TNFRSF10A: variants seen among roughly 807,000 people sequenced by gnomAD.
TNFRSF10A encodes the protein TNF receptor superfamily member 10a, also known as tumor necrosis factor receptor superfamily member 10A.
TNFRSF10A carries 44 observed loss-of-function variants against 42.8 expected under a neutral mutation model. The ratio of observed to expected loss-of-function variants is 1.03; its 90% confidence interval spans 0.81 to 1.32. TNFRSF10A has a LOEUF of 1.32. Among genes scored for constraint, TNFRSF10A ranks in the 40% most tolerant of loss-of-function variants. TNFRSF10A has a pLI of 0.00. For missense variants in TNFRSF10A, 680 were observed against 602.0 expected (o/e 1.13, Z -1.36); for synonymous variants, 259 against 234.2 (o/e 1.11, Z -0.97).
intron 6 of TNFRSF10A, 140 bp from the exon 7 acceptor site, chr8:23,200,057 C>A: frequency 1.0e-6 from 1 of 990,762 alleles, no homozygotes; most frequent in Non-Finnish European, 1.5e-6. Context: ...CACATGAGGC[C>A]CTGCTAACTC....
At chr8:23,213,479 G>C (rs181983445) in intron 1 of TNFRSF10A, among the ~76,000 whole-genome samples, 1 of 77,300 alleles carries the variant, frequency 1.3e-5, no homozygotes, top group Non-Finnish European at 2.8e-5. Flanking sequence ...ACAGAGTCTC[G>C]CTCTGTTGCC....
At position 23,202,206 on chromosome 8, in the gene TNFRSF10A, G is replaced by A. The variant is rs77801375; in HGVS notation, c.518-287C>T. ...TGGTCAGTAGCAAAGGAGGCACATGGTATGTGAGAGAGTCTGCAAGAAGAG... is the reference window on the plus strand; with the variant it reads ...TGGTCAGTAGCAAAGGAGGCACATGATATGTGAGAGAGTCTGCAAGAAGAG... On this transcript the variant is annotated intron_variant, in intron 3 of 9. Transcript: ENST00000221132. 7.9e-3 allele frequency among the ~76,000 whole-genome samples: 1,197 copies of A among 152,290 alleles called. 24 individuals are homozygous for A. The highest frequency in any genetic ancestry group is 0.027 in the African/African-American group (1,105 of 41,538).
chr8:23,216,274 C>T (rs768289229), intron 1 of TNFRSF10A, among the ~76,000 whole-genome samples: 5 of 152,006 alleles, frequency 3.3e-5, no homozygotes, highest in South Asian at 2.1e-4. Flanking sequence ...ACTTATTTTA[C>T]GGGTAAGTAA....
chr8:23,203,624 A>G (rs1800967003), intron 2 of TNFRSF10A, among the ~76,000 whole-genome samples: 1 of 152,130 alleles, frequency 6.6e-6, no homozygotes, highest in Non-Finnish European at 1.5e-5. Flanking sequence ...TCTGATTCAT[A>G]TTTACTGATA....
intron 9 of TNFRSF10A, among the ~76,000 whole-genome samples, chr8:23,195,704 C>A (rs1800813846): frequency 6.6e-6 from 1 of 152,084 alleles, no homozygotes; most frequent in African/African-American, 2.4e-5. Flanking sequence ...GTACATTGGT[C>A]CTGCTATAAT....
At chr8:23,197,488 C>G (rs112823132) in intron 8 of TNFRSF10A, among the ~76,000 whole-genome samples, 35 of 152,272 alleles carry the variant, frequency 2.3e-4, no homozygotes, top group African/African-American at 7.9e-4. Flanking sequence ...GTTGCATACT[C>G]CTTATGAGAA....
At chr8:23,206,433 A>G (rs1008020475) in intron 2 of TNFRSF10A, among the ~76,000 whole-genome samples, 2 of 152,186 alleles carry the variant, frequency 1.3e-5, no homozygotes, top group African/African-American at 2.4e-5. Context: ...TTAACCTTTT[A>G]TACCATATTT....
chr8:23,193,299 C>A (rs1004190241), intron 9 of TNFRSF10A, among the ~76,000 whole-genome samples: 1 of 152,168 alleles, frequency 6.6e-6, no homozygotes, highest in Non-Finnish European at 1.5e-5. Context: ...AGTTGCCCCG[C>A]TAACTTTGGC....
At chr8:23,213,126 A>G (rs1801113536) in intron 1 of TNFRSF10A, among the ~76,000 whole-genome samples, 3 of 152,086 alleles carry the variant, frequency 2.0e-5, no homozygotes, top group African/African-American at 7.2e-5. Context: ...ATTGGTAGGT[A>G]GTGTGTTTTT....
intron 2 of TNFRSF10A, 106 bp from the exon 3 acceptor site, chr8:23,202,867 G>C: frequency 1.4e-6 from 1 of 723,092 alleles, no homozygotes; most frequent in South Asian, 1.6e-5. Context: ...ACCCCAGACA[G>C]AGAAATCCCA....
At chr8:23,192,353 G>C (rs1800768450) in intron 9 of TNFRSF10A, among the ~76,000 whole-genome samples, 2 of 152,260 alleles carry the variant, frequency 1.3e-5, no homozygotes, top group Non-Finnish European at 2.9e-5. Flanking sequence ...GGCTGCAGCG[G>C]GAGCTCAGAG....
At chr8:23,215,499 C>G (rs948641030) in intron 1 of TNFRSF10A, among the ~76,000 whole-genome samples, 1 of 150,392 alleles carries the variant, frequency 6.6e-6, no homozygotes, top group Non-Finnish European at 1.5e-5. Context: ...CAGAGCGAGA[C>G]TCCGACTCAA....
chr8:23,218,331 G>T (rs566107391), intron 1 of TNFRSF10A, among the ~76,000 whole-genome samples: 4 of 152,172 alleles, frequency 2.6e-5, no homozygotes, highest in African/African-American at 9.6e-5. Context: ...GTGTTAGGCT[G>T]TTTCAGAGGT....
intron 2 of TNFRSF10A, among the ~76,000 whole-genome samples, chr8:23,204,065 C>T (rs1173627096): frequency 1.3e-5 from 2 of 152,126 alleles, no homozygotes; most frequent in African/African-American, 4.8e-5. Flanking sequence ...GAGTGAGCCA[C>T]CGTGCCACTG....
intron 9 of TNFRSF10A, among the ~76,000 whole-genome samples, chr8:23,193,873 A>G (rs1800787155): frequency 6.6e-6 from 1 of 152,170 alleles, no homozygotes; most frequent in Non-Finnish European, 1.5e-5. Context: ...TATTGCTTGG[A>G]AACTGAAGTT....
At chr8:23,217,778 G>T (rs1801204956) in intron 1 of TNFRSF10A, among the ~76,000 whole-genome samples, 1 of 152,180 alleles carries the variant, frequency 6.6e-6, no homozygotes, top group South Asian at 2.1e-4. Context: ...CGCTGTGCAA[G>T]GAATCGTGGG....
chr8:23,194,165 A>G (rs992043789), intron 9 of TNFRSF10A, among the ~76,000 whole-genome samples: 1 of 152,194 alleles, frequency 6.6e-6, no homozygotes, highest in Admixed American at 6.6e-5. Flanking sequence ...TCATGGAGAG[A>G]GTTCAAAGGT....
At chr8:23,198,666 A>G (rs527493014) in intron 8 of TNFRSF10A, among the ~76,000 whole-genome samples, 1 of 152,366 alleles carries the variant, frequency 6.6e-6, no homozygotes, top group African/African-American at 2.4e-5. Flanking sequence ...ATCAAAATAC[A>G]TGAACTGGTA....
At chr8:23,215,507 C>CA (rs893806302) in intron 1 of TNFRSF10A, among the ~76,000 whole-genome samples, 4 of 141,402 alleles carry the variant, frequency 2.8e-5, no homozygotes, top group African/African-American at 1.0e-4. Flanking sequence ...GACTCCGACT[C>CA]AAAAAATAGC....
Sources: gnomAD v4.1 joint callset for allele counts (sites outside exome capture counted in the v4.1 genomes callset) on GRCh38, gnomAD v4.1.1 for gene constraint, MANE v1.5 for transcripts, NCBI Gene and HGNC (gene_info 2026-07-23, HGNC 2026-07-21) for gene names.